Variants in ASXL3 observed in about 807,000 individuals in gnomAD.
ASXL3 encodes ASXL transcriptional regulator 3.
In ASXL3, 34 loss-of-function variants were observed where a neutral mutation model predicts 170.6. The observed-to-expected ratio is 0.20, with a 90% CI of 0.15 to 0.27. The LOEUF is 0.27. Among genes scored for constraint, ASXL3 ranks in the 10% least tolerant of loss-of-function variants. The pLI is 1.00. For synonymous variants in ASXL3, 1,002 were observed against 989.1 expected (o/e 1.01, Z -0.24); for missense variants, 2,592 against 2,695.3 (o/e 0.96, Z 0.85).
At chr18:33,638,145 A>ATG (rs776839046) in intron 2 of ASXL3, among the ~76,000 whole-genome samples, 27 of 150,656 alleles carry the variant, frequency 1.8e-4, no homozygotes, top group Admixed American at 1.3e-4. Flanking sequence ...ATATATATAT[A>ATG]TAATACACGC....
intron 1 of ASXL3, among the ~76,000 whole-genome samples, chr18:33,607,326 G>A (rs886885075): frequency 6.6e-6 from 1 of 151,842 alleles, no homozygotes; most frequent in African/African-American, 2.4e-5. Flanking sequence ...TTGTTAACTT[G>A]TTTTCTTTAG....
chr18:33,593,295 G>T (rs1306434376), intron 1 of ASXL3, among the ~76,000 whole-genome samples: 1 of 127,378 alleles, frequency 7.9e-6, no homozygotes, highest in Non-Finnish European at 1.6e-5. Flanking sequence ...CTAGGGCAGT[G>T]CTGGGAGAGA....
intron 5 of ASXL3, among the ~76,000 whole-genome samples, chr18:33,665,582 T>A (rs1402692431): frequency 1.3e-5 from 2 of 152,178 alleles, no homozygotes; most frequent in Non-Finnish European, 2.9e-5. Context: ...TTGCTTGTGT[T>A]TTTTTGTTGT....
chr18:33,659,073 C>T (rs2066130288), intron 4 of ASXL3, among the ~76,000 whole-genome samples: 1 of 151,928 alleles, frequency 6.6e-6, no homozygotes, highest in Admixed American at 6.6e-5. Flanking sequence ...TGATGGTTTC[C>T]TAGGTCAGAA....
intron 8 of ASXL3, among the ~76,000 whole-genome samples, chr18:33,699,316 C>A (rs184004577): frequency 2.6e-5 from 4 of 152,164 alleles, no homozygotes; most frequent in African/African-American, 9.6e-5. Context: ...ATGACAGTGT[C>A]ACACCAAATA....
intron 8 of ASXL3, among the ~76,000 whole-genome samples, chr18:33,708,254 A>G (rs1284363544): frequency 1.3e-5 from 2 of 152,176 alleles, no homozygotes; most frequent in African/African-American, 4.8e-5. Flanking sequence ...TTTTTGGGAA[A>G]ACTTTTAATT....
chr18:33,744,372 G>A lies in ASXL3; in HGVS notation c.4524G>A (p.Glu1508=). The A allele has an allele frequency of 6.2e-7, 1 of 1,613,938 alleles. No individual in the cohort carries two copies. Among genetic ancestry groups the A allele is most frequent in the Non-Finnish European group, 8.5e-7 (1 of 1,179,846 alleles). Residue 1508 remains glutamate (E), a synonymous_variant, in exon 12 of 12, where the codon GAG becomes GAA. Transcript: ENST00000269197. The stretch of plus-strand genomic sequence containing the variant: ...TGCAGGGCAGACCAGTGAGGACAGA[G>A]GCATCCGTACAGCCCGTGGCGTGTC... ...LDLQGRPVRT[E]ASVQPVACPQ... is the part of the protein sequence containing the mutation.
At position 33,738,742 on chromosome 18, in the gene ASXL3, A is replaced by G; in HGVS notation, c.1338A>G (p.Glu446=). The change falls in exon 11 of 12, where the codon GAA becomes GAG. Residue 446 remains glutamate, a synonymous_variant. Transcript: ENST00000269197. The stretch of plus-strand genomic sequence containing the variant: ...AGTCAGAGGATATCTTGATCCCTGA[A>G]GAATCTGTAATTCAGGAGGAAATTG... The part of the protein sequence containing the change: ...ELESEDILIP[E]ESVIQEEIAE... 3 of 1,613,990 alleles carry G rather than the reference A, an allele frequency of 1.9e-6. No homozygotes were observed. The highest frequency in any genetic ancestry group is 2.5e-6 in the Non-Finnish European group (3 of 1,179,874).
rs955615885 is a variant in ASXL3, at chr18:33,681,036, CT to C, written c.716-2359del. On this transcript the variant is annotated intron_variant, in intron 7 of 11. Coordinates refer to ENST00000269197, the MANE Select transcript of ASXL3 (RefSeq NM_030632.3). ...ATCCATTTATTTGGAAATTATAATT[CT>C]TTTTTTTTTCTTCCAATAGCTACTT... is the stretch of plus-strand genomic sequence containing the variant. Among the ~76,000 whole-genome samples, 616 of 148,378 alleles carry C rather than the reference CT, an allele frequency of 4.2e-3. 4 individuals carry two copies. Among genetic ancestry groups the C allele is most frequent in the African/African-American group, 0.014 (565 of 40,568 alleles).
chr18:33,687,738 A>T (rs537793299), intron 8 of ASXL3, among the ~76,000 whole-genome samples: 2 of 152,156 alleles, frequency 1.3e-5, no homozygotes, highest in South Asian at 4.1e-4. Context: ...TTATATTTTT[A>T]ATTTACCCTT....
intron 2 of ASXL3, among the ~76,000 whole-genome samples, chr18:33,640,292 CAT>C (rs2065826206): frequency 6.6e-6 from 1 of 151,770 alleles, no homozygotes; most frequent in Non-Finnish European, 1.5e-5. Flanking sequence ...ATTCAGATAA[CAT>C]ATATAAAGCC....
At chr18:33,649,255 G>T (rs939714047) in intron 4 of ASXL3, among the ~76,000 whole-genome samples, 11 of 152,068 alleles carry the variant, frequency 7.2e-5, no homozygotes, top group Non-Finnish European at 1.3e-4. Context: ...CAAATGGAGA[G>T]ATTGGTCTTA....
rs2067712962 is a variant in ASXL3, at chr18:33,743,851, T to C, written c.4003T>C (p.Ser1335Pro). 6.2e-7 allele frequency: 1 copy of C among 1,613,910 alleles called. No individual in the cohort carries two copies. Among genetic ancestry groups the C allele is most frequent in the South Asian group, 1.1e-5 (1 of 91,094 alleles). Residue 1335 changes from serine to proline, a missense_variant, in exon 12 of 12, where the codon TCC (serine) becomes CCC (proline). Ser to Pro is a moderately conservative substitution (Grantham distance 74, BLOSUM62 -1). Transcript: ENST00000269197. ...AAGCAGCAGTGCTAGTAACTTAGTC[T>C]CCACTCAGTACACCTCTGTGCCAAC... is the stretch of plus-strand genomic sequence containing the variant. ...ISSSSASNLV[S>P]TQYTSVPTPS...
intron 8 of ASXL3, among the ~76,000 whole-genome samples, chr18:33,729,980 A>G (rs572909874): frequency 3.3e-5 from 5 of 152,208 alleles, no homozygotes; most frequent in South Asian, 4.2e-4. Context: ...TGATTATCCT[A>G]TCTGTCTCCT....
At chr18:33,632,642 A>C (rs1015689932) in intron 2 of ASXL3, among the ~76,000 whole-genome samples, 2 of 152,180 alleles carry the variant, frequency 1.3e-5, no homozygotes, top group South Asian at 4.1e-4. Context: ...AAGCAACAAG[A>C]AAAAACCAGC....
chr18:33,636,068 T>A (rs1036956462), intron 2 of ASXL3, among the ~76,000 whole-genome samples: 2 of 152,184 alleles, frequency 1.3e-5, no homozygotes, highest in African/African-American at 4.8e-5. Flanking sequence ...ATCGTGATTG[T>A]TCTAAAGGAA....
chr18:33,718,921 C>T (rs1446087298), intron 8 of ASXL3, among the ~76,000 whole-genome samples: 6 of 151,960 alleles, frequency 3.9e-5, no homozygotes, highest in African/African-American at 1.4e-4. Flanking sequence ...TCTGCTACAC[C>T]TCCTACCAAA....
At chr18:33,622,150 A>G (rs1176132793) in intron 2 of ASXL3, among the ~76,000 whole-genome samples, 2 of 152,144 alleles carry the variant, frequency 1.3e-5, no homozygotes, top group Admixed American at 6.6e-5. Flanking sequence ...TAGTGTATCA[A>G]ATGCAGTATA....
chr18:33,591,459 A>G (rs1310936459), intron 1 of ASXL3, among the ~76,000 whole-genome samples: 4 of 152,168 alleles, frequency 2.6e-5, no homozygotes, highest in African/African-American at 9.7e-5. Flanking sequence ...AAACAAAAAT[A>G]TTATCTCCTA....
Sources: gnomAD v4.1 joint callset for allele counts (sites outside exome capture counted in the v4.1 genomes callset) on GRCh38, gnomAD v4.1.1 for gene constraint, MANE v1.5 for transcripts, NCBI Gene and HGNC (gene_info 2026-07-23, HGNC 2026-07-21) for gene names.